The following PCDHGA6 variants were observed in gnomAD, a reference collection of about 807,000 sequenced individuals.
The protein encoded by PCDHGA6 is protocadherin gamma subfamily A, 6, also known as protocadherin gamma-A6.
PCDHGA6 carries 41 observed loss-of-function variants against 60.6 expected under a neutral mutation model. The observed-to-expected ratio is 0.68, with a 90% confidence interval of 0.53 to 0.88. The LOEUF (loss-of-function observed/expected upper bound fraction) is 0.88. Among genes scored for constraint, PCDHGA6 ranks in the 40% least tolerant of loss-of-function variants. The probability of loss-of-function intolerance (pLI) is 0.00; values close to 1 mark genes in which losing one functional copy is unlikely to be tolerated. For missense variants in PCDHGA6, 1,312 were observed against 1,203.0 expected, an observed-to-expected ratio of 1.09 and a Z score of -1.34; for synonymous variants, 594 against 524.4, an observed-to-expected ratio of 1.13 and a Z score of -1.81.
rs745698097 is a variant in PCDHGA6 at position 141,389,267 on chromosome 5, G to C, written c.2424+12760G>C. The C allele has an allele frequency of 3.0e-5, 48 of 1,613,890 alleles. No individual in the cohort carries two copies. The highest frequency in any genetic ancestry group is 4.0e-5 in the Non-Finnish European group (47 of 1,179,898). On this transcript the variant is annotated intron_variant, in intron 1 of 3. Coordinates refer to ENST00000517434, the MANE Select transcript of PCDHGA6 (RefSeq NM_018919.3). ...CTTCCTATATAGTCCACGTGGCCGA[G>C]AACAACCCGCCTGGAGCCTCTATTT...
chr5:141,438,037 G>A (rs2097925203), intron 1 of PCDHGA6, among the ~76,000 whole-genome samples: 1 of 151,910 alleles, frequency 6.6e-6, no homozygotes, highest in African/African-American at 2.4e-5. Flanking sequence ...CACCATGCCC[G>A]ACCACTTTGA....
At chr5:141,497,499 C>G (rs1217418941) in intron 2 of PCDHGA6, among the ~76,000 whole-genome samples, 3 of 151,416 alleles carry the variant, frequency 2.0e-5, no homozygotes, top group Non-Finnish European at 4.4e-5. Context: ...TCTCTCTCCT[C>G]TCTCTGCTTC....
rs564197257 is a variant in PCDHGA6, at chr5:141,458,715, A to G, written c.2425-36092A>G. On this transcript the variant is annotated intron_variant, in intron 1 of 3. Coordinates refer to ENST00000517434, the MANE Select transcript of PCDHGA6 (RefSeq NM_018919.3). ...CTCCCGAGTAGCTGGGATTACAGGT[A>G]TTCGCCACCACATCCAGCTATTGGT... Among the ~76,000 whole-genome samples the G allele has an allele frequency of 3.9e-5, 6 of 152,082 alleles. No homozygotes were observed. The East Asian group carries it at 9.7e-4, about 25-fold the overall frequency.
intron 1 of PCDHGA6, among the ~76,000 whole-genome samples, chr5:141,448,040 C>T (rs892207188): frequency 6.6e-6 from 1 of 151,850 alleles, no homozygotes; most frequent in Admixed American, 6.6e-5. Context: ...GAGCCAAGAT[C>T]ATGCCATTGC....
chr5:141,376,538 T>C, intron 1 of PCDHGA6, 31 bp downstream of exon 1: 1 of 1,613,126 alleles, frequency 6.2e-7, no homozygotes, highest in African/African-American at 1.3e-5. Flanking sequence ...GCGGGAAGAG[T>C]AATCTGATCT....
chr5:141,419,333 A>G, intron 1 of PCDHGA6: 2 of 1,613,804 alleles, frequency 1.2e-6, no homozygotes, highest in South Asian at 1.1e-5. Context: ...CTACTCTCTC[A>G]TTGCCAGCGA....
At chr5:141,501,602 A>T (rs766918685) in intron 2 of PCDHGA6, among the ~76,000 whole-genome samples, 1 of 152,026 alleles carries the variant, frequency 6.6e-6, no homozygotes. Flanking sequence ...TACCAGTTCC[A>T]GCTGTGTGAC....
At chr5:141,502,472 A>T (rs1450967250) in intron 2 of PCDHGA6, among the ~76,000 whole-genome samples, 1 of 150,886 alleles carries the variant, frequency 6.6e-6, no homozygotes, top group Non-Finnish European at 1.5e-5. Flanking sequence ...TACTTCCCGC[A>T]GCATCACACT....
chr5:141,505,118 C>T (rs544825360), intron 2 of PCDHGA6, among the ~76,000 whole-genome samples: 32 of 152,222 alleles, frequency 2.1e-4, no homozygotes, highest in African/African-American at 7.5e-4. Flanking sequence ...GCCAAGATCG[C>T]GCCACTGCAC....
intron 1 of PCDHGA6, among the ~76,000 whole-genome samples, chr5:141,467,809 C>T (rs1026263094): frequency 6.6e-6 from 1 of 152,056 alleles, no homozygotes. Flanking sequence ...CAGGCACATG[C>T]CACCACACCA....
intron 1 of PCDHGA6, among the ~76,000 whole-genome samples, chr5:141,452,299 A>G (rs2098738116): frequency 6.6e-6 from 1 of 152,176 alleles, no homozygotes; most frequent in African/African-American, 2.4e-5. Flanking sequence ...ATAAGAAAAT[A>G]TTAGAGACTC....
chr5:141,417,001 ATAAT>A (rs2096073629), intron 1 of PCDHGA6: 2 of 150,812 alleles, frequency 1.3e-5, no homozygotes, highest in Non-Finnish European at 1.5e-5. Flanking sequence ...TTCATCTCAA[ATAAT>A]TCTATTATTT....
Position 141,490,826 on chromosome 5 carries a change from T to A in PCDHGA6, c.2425-3981T>A, listed in dbSNP as rs1195265146. ...ACCTTTGACTATGAATTGCTGCAGA[T>A]GCTGCAGATTGTGGTGGGGGTTCGA... On this transcript the variant is annotated intron_variant, in intron 1 of 3. Coordinates refer to ENST00000517434, the MANE Select transcript of PCDHGA6 (RefSeq NM_018919.3). The surrounding 1 kb of genome is among the most constrained non-coding windows in gnomAD (Gnocchi z 5.4). 6.2e-7 allele frequency: 1 copy of A among 1,613,736 alleles called. No homozygotes were observed. The highest frequency in any genetic ancestry group is 8.5e-7 in the Non-Finnish European group (1 of 1,179,796).
intron 1 of PCDHGA6, chr5:141,418,637 T>C: frequency 6.2e-7 from 1 of 1,613,998 alleles, no homozygotes; most frequent in Non-Finnish European, 8.5e-7. Context: ...TCCAGGCACC[T>C]CCATCCTGAG....
intron 1 of PCDHGA6, among the ~76,000 whole-genome samples, chr5:141,460,682 T>A (rs957470916): frequency 3.3e-5 from 5 of 152,134 alleles, no homozygotes; most frequent in African/African-American, 1.2e-4. Flanking sequence ...TATATCTATA[T>A]ATCCACCAAC....
intron 1 of PCDHGA6, chr5:141,383,390 C>A: frequency 6.2e-7 from 1 of 1,614,006 alleles, no homozygotes; most frequent in South Asian, 1.1e-5. Flanking sequence ...GATGTGGGCA[C>A]GAACTCCCTC....
chr5:141,433,358 C>CGTAT, intron 1 of PCDHGA6: 1 of 503,368 alleles, frequency 2.0e-6, no homozygotes, highest in Non-Finnish European at 3.5e-6. Context: ...CTACTGTCTG[C>CGTAT]CTATCTATCT....
intron 1 of PCDHGA6, among the ~76,000 whole-genome samples, chr5:141,425,078 G>A (rs1196415752): frequency 3.9e-5 from 6 of 152,112 alleles, no homozygotes; most frequent in Admixed American, 6.5e-5. Flanking sequence ...AATTTCAACT[G>A]TAGGAAAGGC....
At chr5:141,444,288 C>T (rs2098430665) in intron 1 of PCDHGA6, among the ~76,000 whole-genome samples, 1 of 150,100 alleles carries the variant, frequency 6.7e-6, no homozygotes, top group South Asian at 2.1e-4. Flanking sequence ...TCTCCTGCCT[C>T]AGCCTCCCTA....
Sources: gnomAD v4.1 joint callset for allele counts (sites outside exome capture counted in the v4.1 genomes callset) on GRCh38, gnomAD v4.1.1 for gene constraint, Gnocchi (gnomAD v3.1) non-coding constraint, MANE v1.5 for transcripts, NCBI Gene and HGNC (gene_info 2026-07-23, HGNC 2026-07-21) for gene names.